The following EFCAB8 variants were observed in gnomAD, a reference collection of about 807,000 sequenced individuals.
EFCAB8 encodes EF-hand calcium-binding domain-containing protein 8.
EFCAB8 carries 100 observed loss-of-function variants against 116.3 expected under a neutral mutation model. That is an observed-to-expected ratio of 0.86 (90% CI 0.73 to 1.02). The LOEUF (loss-of-function observed/expected upper bound fraction) is 1.02, where lower values mean the gene tolerates loss of function less well. Ranked by LOEUF, EFCAB8 falls within the 50% of genes least tolerant of loss-of-function variation. EFCAB8 has a pLI of 0.00. For synonymous variants in EFCAB8, 558 were observed against 567.9 expected (o/e 0.98, Z 0.25); for missense variants, 1,320 against 1,416.9 (o/e 0.93, Z 1.10).
At chr20:32,871,027 A>G (rs527794368) in intron 3 of EFCAB8, among the ~76,000 whole-genome samples, 1 of 151,332 alleles carries the variant, frequency 6.6e-6, no homozygotes, top group South Asian at 2.1e-4. Flanking sequence ...TAATTTTGGT[A>G]TTTTCAGTAG....
intron 22 of EFCAB8, among the ~76,000 whole-genome samples, chr20:32,937,624 CT>C (rs56900670): frequency 0.032 from 4,863 of 151,046 alleles, 292 homozygotes; most frequent in African/African-American, 0.11. Context: ...AAAGATTTTT[CT>C]TTTTTTTTGT....
intron 22 of EFCAB8, among the ~76,000 whole-genome samples, chr20:32,932,481 C>A (rs73249247): frequency 6.6e-6 from 1 of 152,122 alleles, no homozygotes. Flanking sequence ...AGGCTTACAG[C>A]GAAGAGTCTA....
chr20:32,861,111 G>A (rs1984092232), intron 1 of EFCAB8, among the ~76,000 whole-genome samples: 1 of 152,150 alleles, frequency 6.6e-6, no homozygotes, highest in South Asian at 2.1e-4. Context: ...TCCTTCTGAT[G>A]TTTGGGTGAC....
In EFCAB8 at chr20:32,906,878, A is replaced by G. The variant is rs1986701528; in HGVS notation, c.1192A>G (p.Asn398Asp). The G allele has an allele frequency of 1.9e-6, 3 of 1,544,870 alleles. No individual in the cohort carries two copies. The highest frequency in any genetic ancestry group is 3.3e-4 in the Middle Eastern group (2 of 6,008). ...CTACGATGCCTTCATCCGCCTGTGG[A>G]ACCCCTTTGTCTCAAAGAGGCCCGT... Reference protein sequence around the residue: ...GGYDAFIRLWNPFVSKRPVWL... With the variant: ...GGYDAFIRLWDPFVSKRPVWL... The change falls in exon 13 of 27, where the codon AAC (asparagine) becomes GAC (aspartate). Residue 398 changes from asparagine (N) to aspartate (D), a missense_variant. Coordinates refer to ENST00000400522, the MANE Select transcript of EFCAB8 (RefSeq NM_001143967.2).
chr20:32,861,371 C>T (rs6058914), intron 1 of EFCAB8, among the ~76,000 whole-genome samples: 26 of 152,316 alleles, frequency 1.7e-4, no homozygotes, highest in African/African-American at 6.3e-4. Context: ...TCACCGCAAC[C>T]TCCGCCTCCT....
At chr20:32,948,549 AAAGAAAG>A (rs1988685119) in intron 23 of EFCAB8, among the ~76,000 whole-genome samples, 1 of 148,566 alleles carries the variant, frequency 6.7e-6, no homozygotes, top group Non-Finnish European at 1.5e-5. Flanking sequence ...AGAAAGAAAG[AAAGAAAG>A]AAAGAAAGAA....
intron 10 of EFCAB8, among the ~76,000 whole-genome samples, chr20:32,897,386 T>C (rs1986212282): frequency 6.6e-6 from 1 of 151,800 alleles, no homozygotes; most frequent in African/African-American, 2.4e-5. Flanking sequence ...CACAAATGAA[T>C]GAATGAATGA....
Position 32,961,165 on chromosome 20 carries a change from C to T in EFCAB8, c.3423C>T (p.His1141=), listed in dbSNP as rs1989136394. 1 of 1,552,178 alleles carries T rather than the reference C, an allele frequency of 6.4e-7. No homozygotes were observed. The highest frequency in any genetic ancestry group is 8.7e-7 in the Non-Finnish European group (1 of 1,147,122). ...CGCCTCAGGTCTACCAAAGCCTGCA[C>T]TTCAGTGATCTGATGCCGACTCAGC... is the stretch of plus-strand genomic sequence containing the variant. ...QISPQVYQSL[H]FSDLMPTQQP... is the part of the protein sequence containing the mutation. Residue 1141 remains histidine, a synonymous_variant, in exon 27 of 27, where the codon CAC becomes CAT. Transcript: ENST00000400522.
At chr20:32,924,819 C>CTGTG (rs146773130) in intron 20 of EFCAB8, among the ~76,000 whole-genome samples, 1 of 150,682 alleles carries the variant, frequency 6.6e-6, no homozygotes, top group Non-Finnish European at 1.5e-5. Flanking sequence ...GCTGGCAGGG[C>CTGTG]TGTGTGTGTG....
At chr20:32,908,667 C>T (rs1456028265) in intron 14 of EFCAB8, among the ~76,000 whole-genome samples, 4 of 152,266 alleles carry the variant, frequency 2.6e-5, no homozygotes, top group African/African-American at 9.6e-5. Context: ...TCCTCAGCCT[C>T]TCCCTCTGGG....
chr20:32,946,955 G>A (rs184447059), intron 23 of EFCAB8, among the ~76,000 whole-genome samples: 16 of 152,258 alleles, frequency 1.1e-4, no homozygotes, highest in Admixed American at 3.9e-4. Flanking sequence ...GTTGTTGAAC[G>A]TATCAGTAGT....
At chr20:32,890,423 G>T (rs1451117607) in intron 7 of EFCAB8, among the ~76,000 whole-genome samples, 1 of 152,122 alleles carries the variant, frequency 6.6e-6, no homozygotes, top group African/African-American at 2.4e-5. Context: ...TCCCTTCAAG[G>T]TCCCCTTTCA....
Position 32,920,210 on chromosome 20 carries a change from GAGA to G in EFCAB8, c.2410_2412del (p.Lys804del). On this transcript the variant is annotated inframe_deletion and splice_region_variant, in exon 20 of 27. Coordinates refer to ENST00000400522, the MANE Select transcript of EFCAB8 (RefSeq NM_001143967.2). ...GTTGGTTCAATCCAGTGCCTCGGTG[GAGA>G]AGGTTGGCCGTGATCAGCCAGGGAG... 6.4e-7 allele frequency: 1 copy of G among 1,551,678 alleles called. No homozygotes were observed. Among genetic ancestry groups the G allele is most frequent in the South Asian group, 1.2e-5 (1 of 84,042 alleles).
chr20:32,931,032 C>A (rs1288517960), intron 21 of EFCAB8, 146 bp from the exon 22 acceptor site: 3 of 691,434 alleles, frequency 4.3e-6, no homozygotes, highest in Non-Finnish European at 4.9e-6. Flanking sequence ...CCTTTCTGGC[C>A]CTAGTGGTGA....
chr20:32,943,777 G>T lies in EFCAB8; in HGVS notation c.2932G>T (p.Ala978Ser), dbSNP rs2146292060. Residue 978 changes from alanine to serine, a missense_variant, in exon 23 of 27, where the codon GCT becomes TCT. Physicochemically the swap from Ala to Ser is moderately conservative, Grantham distance 99 (BLOSUM62 1). Coordinates refer to ENST00000400522, the MANE Select transcript of EFCAB8 (RefSeq NM_001143967.2). ...ISAGQDRDVK[A>S]WKLSGDAIGT... ...CGCTGGCCAGGACCGGGACGTCAAG[G>T]CTTGGAAACTCTCCGGTGATGCCAT... is the stretch of plus-strand genomic sequence containing the variant. 3 of 416,856 alleles carry T rather than the reference G, an allele frequency of 7.2e-6. No individual in the cohort carries two copies. 25.8% of individuals were successfully genotyped at this position (416,856 alleles called of 1,614,324 possible).
chr20:32,939,241 TG>T (rs1988303638), intron 22 of EFCAB8, among the ~76,000 whole-genome samples: 1 of 125,896 alleles, frequency 7.9e-6, no homozygotes, highest in Admixed American at 7.7e-5. Context: ...CCTCCCTCCC[TG>T]CCTTCCTTCC....
intron 11 of EFCAB8, among the ~76,000 whole-genome samples, 156 bp downstream of exon 11, chr20:32,898,779 A>G (rs981971208): frequency 2.0e-5 from 3 of 152,204 alleles, no homozygotes; most frequent in Admixed American, 2.0e-4. Context: ...GTGAGAACAC[A>G]GCAGCCTCTT....
At chr20:32,930,710 T>A in intron 21 of EFCAB8, 94 bp downstream of exon 21, 1 of 1,200,454 alleles carries the variant, frequency 8.3e-7, no homozygotes, top group Non-Finnish European at 1.2e-6. Flanking sequence ...GTTCCTACTC[T>A]GTCTGGGTAC....
At chr20:32,907,156 A>G (rs1986717899) in intron 13 of EFCAB8, 162 bp downstream of exon 13, 1 of 982,830 alleles carries the variant, frequency 1.0e-6, no homozygotes. Flanking sequence ...ACCTCTGAGC[A>G]TGTCCCCAGA....
Sources: gnomAD v4.1 joint callset for allele counts (sites outside exome capture counted in the v4.1 genomes callset) on GRCh38, gnomAD v4.1.1 for gene constraint, MANE v1.5 for transcripts, NCBI Gene and HGNC (gene_info 2026-07-23, HGNC 2026-07-21) for gene names.